Variants in POU3F3 observed in about 807,000 individuals in gnomAD.
POU3F3 encodes POU class 3 homeobox 3.
In POU3F3, 1 loss-of-function variant was observed where a neutral mutation model predicts 8.6. The ratio of observed to expected loss-of-function variants is 0.12; its 90% CI spans 0.04 to 0.55. The LOEUF (loss-of-function observed/expected upper bound fraction) is 0.55, where lower values mean the gene tolerates loss of function less well. Among genes scored for constraint, POU3F3 ranks in the 20% least tolerant of loss-of-function variants. The probability of loss-of-function intolerance (pLI) is 0.91; values close to 1 mark genes in which losing one functional copy is unlikely to be tolerated. For missense variants in POU3F3, 577 were observed against 690.7 expected, an observed-to-expected ratio of 0.84 and a Z score of 1.84; for synonymous variants, 418 against 327.4, an observed-to-expected ratio of 1.28 and a Z score of -2.99.
the POU3F3 span, among the ~76,000 whole-genome samples, chr2:104,898,333 G>A: frequency 2.0e-5 from 3 of 152,112 alleles, no homozygotes; most frequent in Non-Finnish European, 4.4e-5. Flanking sequence ...TTGTCATAGC[G>A]GCCTGAACTA....
At chr2:104,865,765 C>G in the POU3F3 span, 1 of 152,196 alleles carries the variant, frequency 6.6e-6, no homozygotes, top group Non-Finnish European at 1.5e-5. Flanking sequence ...TTCCTTTCTG[C>G]CCCTATCAAG....
At chr2:104,917,830 T>A in the POU3F3 span, among the ~76,000 whole-genome samples, 1 of 152,144 alleles carries the variant, frequency 6.6e-6, no homozygotes, top group African/African-American at 2.4e-5. Context: ...TTCCTCAGAG[T>A]TTACATCAGC....
chr2:104,885,168 T>G, the POU3F3 span, among the ~76,000 whole-genome samples: 3 of 152,244 alleles, frequency 2.0e-5, no homozygotes, highest in African/African-American at 7.2e-5. Flanking sequence ...TCCAATGATC[T>G]AAACAGTAGA....
chr2:104,910,810 C>A, the POU3F3 span, among the ~76,000 whole-genome samples: 2 of 150,784 alleles, frequency 1.3e-5, no homozygotes, highest in East Asian at 3.9e-4. Context: ...ATGGATTAAA[C>A]GAACTATGGA....
chr2:104,862,314 T>C (rs1281449826), downstream of POU3F3, among the ~76,000 whole-genome samples: 2 of 152,194 alleles, frequency 1.3e-5, no homozygotes, highest in African/African-American at 2.4e-5. Flanking sequence ...ACAGTCATTC[T>C]CTTGGCGGCA....
the POU3F3 span, among the ~76,000 whole-genome samples, chr2:104,907,348 T>C: frequency 6.6e-6 from 1 of 152,228 alleles, no homozygotes; most frequent in Non-Finnish European, 1.5e-5. Flanking sequence ...TCCCATCCCC[T>C]TATTCTCCTG....
At chr2:104,927,773 A>G in the POU3F3 span, among the ~76,000 whole-genome samples, 3 of 139,762 alleles carry the variant, frequency 2.1e-5, no homozygotes, top group Non-Finnish European at 4.6e-5. Context: ...AAAAAAAAAA[A>G]TGTCGAGTTG....
downstream of POU3F3, among the ~76,000 whole-genome samples, chr2:104,862,946 A>G (rs1453738829): frequency 6.6e-6 from 1 of 151,852 alleles, no homozygotes; most frequent in Admixed American, 6.6e-5. Flanking sequence ...TTGTTCATCT[A>G]TCTTCCTAAA....
the POU3F3 span, among the ~76,000 whole-genome samples, chr2:104,902,389 A>G: frequency 6.6e-6 from 1 of 152,208 alleles, no homozygotes; most frequent in Non-Finnish European, 1.5e-5. Context: ...GAGATCAAAG[A>G]AATCTCAGCT....
In POU3F3 at chr2:104,857,403, GTT is replaced by G. The variant is rs1676594051; in HGVS notation, c.*394_*395del. 6.5e-6 allele frequency: 1 copy of G among 153,970 alleles called. No individual in the cohort carries two copies. The highest frequency in any genetic ancestry group is 2.1e-4 in the South Asian group (1 of 4,808). 9.5% of individuals were successfully genotyped at this position (153,970 alleles called of 1,614,324 possible). A position where few individuals can be genotyped will look rare whatever the true frequency, so the allele number is the denominator to read the frequency against. On this transcript the variant is annotated 3_prime_UTR_variant, in exon 1 of 1. Transcript: ENST00000361360. ...CATACTGTGGTGGTGTTTCGTTTTT[GTT>G]TTTGTTTTTAAAGAAGGGTGAAGAT...
At chr2:104,859,839 A>G (rs1376901922), downstream of POU3F3, among the ~76,000 whole-genome samples, 2 of 151,568 alleles carry the variant, frequency 1.3e-5, no homozygotes, top group Non-Finnish European at 2.9e-5. Context: ...CTTGTTCCCT[A>G]TTTCTCTTGC....
At chr2:104,870,854 TAATA>T in the POU3F3 span, among the ~76,000 whole-genome samples, 1 of 152,212 alleles carries the variant, frequency 6.6e-6, no homozygotes, top group African/African-American at 2.4e-5. Flanking sequence ...TCATCTTCAG[TAATA>T]AATAAACCCA....
the POU3F3 span, among the ~76,000 whole-genome samples, chr2:104,908,828 A>G: frequency 6.6e-6 from 1 of 152,278 alleles, no homozygotes; most frequent in Non-Finnish European, 1.5e-5. Flanking sequence ...AAACTATTTC[A>G]TAAGAGTAGA....
At chr2:104,924,682 C>T in the POU3F3 span, among the ~76,000 whole-genome samples, 1 of 152,148 alleles carries the variant, frequency 6.6e-6, no homozygotes, top group African/African-American at 2.4e-5. Flanking sequence ...TCTTCATAAC[C>T]TCATCTCTTC....
the POU3F3 span, among the ~76,000 whole-genome samples, chr2:104,874,646 C>CTGATTGCA: frequency 6.6e-6 from 1 of 152,180 alleles, no homozygotes; most frequent in African/African-American, 2.4e-5. Flanking sequence ...GGGCAGGTGG[C>CTGATTGCA]TGATTGCAGG....
chr2:104,873,104 T>C, the POU3F3 span, among the ~76,000 whole-genome samples: 2 of 152,158 alleles, frequency 1.3e-5, no homozygotes, highest in Non-Finnish European at 2.9e-5. Context: ...CACTGAACAA[T>C]TTCCTTGGAG....
the POU3F3 span, among the ~76,000 whole-genome samples, chr2:104,927,754 A>C: frequency 1.2e-5 from 1 of 83,518 alleles, no homozygotes; most frequent in Admixed American, 1.3e-4. Context: ...CTCAAAAAAA[A>C]AAAAAAAAAA....
chr2:104,855,689 C>T lies in POU3F3; in HGVS notation c.179C>T (p.Ser60Leu). Residue 60 changes from serine (S) to leucine (L), a missense_variant, in exon 1 of 1, where the codon TCG becomes TTG. Physicochemically the swap from Ser to Leu is moderately radical, Grantham distance 145. Coordinates refer to ENST00000361360, the MANE Select transcript of POU3F3 (RefSeq NM_006236.3). ...CAGCCGGGCAGCGCCGCCGTGACCT[C>T]GGGCGCCTACCGGGGGGACCCGTCC... ...GMQPGSAAVT[S>L]GAYRGDPSSV... 8.4e-7 allele frequency: 1 copy of T among 1,197,096 alleles called. No individual in the cohort carries two copies. The highest frequency in any genetic ancestry group is 1.1e-6 in the Non-Finnish European group (1 of 946,110). The allele number at this position is 1,197,096 out of a possible 1,614,324, so 74.2% of individuals were successfully genotyped here. A position where few individuals can be genotyped will look rare whatever the true frequency, so the allele number is the denominator to read the frequency against.
the POU3F3 span, among the ~76,000 whole-genome samples, chr2:104,917,609 C>T: frequency 2.0e-5 from 3 of 152,246 alleles, no homozygotes; most frequent in African/African-American, 7.2e-5. Flanking sequence ...GTAAAGGCTC[C>T]AAAGTGCAAA....
Sources: allele counts gnomAD v4.1 joint callset (sites outside exome capture counted in the v4.1 genomes callset), GRCh38; gene constraint gnomAD v4.1.1; transcripts MANE v1.5; gene names NCBI Gene and HGNC (gene_info 2026-07-23, HGNC 2026-07-21).